The following MSANTD7 variants were observed in gnomAD, a reference collection of about 807,000 sequenced individuals.
MSANTD7 encodes Myb/SANT DNA binding domain containing 7.
the MSANTD7 span, among the ~76,000 whole-genome samples, chr10:14,839,155 C>T: frequency 1.3e-5 from 2 of 152,216 alleles, no homozygotes; most frequent in Non-Finnish European, 1.5e-5. Flanking sequence ...TGTGGCCTTT[C>T]TCTCATCAGT....
At chr10:14,839,680 T>G in the MSANTD7 span, among the ~76,000 whole-genome samples, 1 of 152,224 alleles carries the variant, frequency 6.6e-6, no homozygotes, top group Non-Finnish European at 1.5e-5. Flanking sequence ...TACTTTTGAT[T>G]CAATTGTTGA....
the MSANTD7 span, chr10:14,845,270 A>G: frequency 1.8e-5 from 18 of 985,224 alleles, no homozygotes; most frequent in Middle Eastern, 5.2e-4. Context: ...AGGAATCTTT[A>G]GGATTTAAAA....
the MSANTD7 span, chr10:14,843,224 A>T: frequency 9.9e-7 from 1 of 1,009,490 alleles, no homozygotes; most frequent in Non-Finnish European, 1.4e-6. Context: ...TGTCCAGATT[A>T]AGGAAATGGA....
the MSANTD7 span, among the ~76,000 whole-genome samples, chr10:14,840,313 T>C: frequency 1.3e-5 from 2 of 152,202 alleles, no homozygotes; most frequent in African/African-American, 4.8e-5. Context: ...GGCAGTGTCT[T>C]TTGATTCTTA....
the MSANTD7 span, chr10:14,839,794 A>G: frequency 1.6e-6 from 1 of 627,742 alleles, no homozygotes; most frequent in Non-Finnish European, 2.7e-6. Flanking sequence ...AGTTTAAAAT[A>G]TTGAGATAGC....
chr10:14,844,842 C>T, the MSANTD7 span: 3 of 985,362 alleles, frequency 3.0e-6, no homozygotes, highest in Non-Finnish European at 3.6e-6. Flanking sequence ...TATCAGTTTC[C>T]CATCCGCTTT....
chr10:14,843,721 C>CTGAT, the MSANTD7 span: 1 of 1,538,050 alleles, frequency 6.5e-7, no homozygotes, highest in East Asian at 2.4e-5. Flanking sequence ...ACTGGACAGG[C>CTGAT]TGATTGCTAT....
At chr10:14,838,519 G>T in the MSANTD7 span, 2 of 1,490,526 alleles carry the variant, frequency 1.3e-6, no homozygotes, top group African/African-American at 1.4e-5. Context: ...TCTGGCGCTG[G>T]GTCATCCACA....
the MSANTD7 span, chr10:14,843,572 G>A: frequency 2.6e-6 from 4 of 1,550,656 alleles, no homozygotes; most frequent in South Asian, 4.8e-5. Flanking sequence ...TTTGTTTCTG[G>A]TGGGGATAGG....
At chr10:14,839,615 G>T in the MSANTD7 span, among the ~76,000 whole-genome samples, 1 of 151,900 alleles carries the variant, frequency 6.6e-6, no homozygotes, top group Non-Finnish European at 1.5e-5. Flanking sequence ...AAGGAAGAGA[G>T]GTAGGAAAGG....
chr10:14,843,251 G>C, the MSANTD7 span: 4 of 1,236,438 alleles, frequency 3.2e-6, no homozygotes, highest in Admixed American at 4.2e-5. Context: ...CCAGTCCCTG[G>C]TGGAAAGAGG....
the MSANTD7 span, among the ~76,000 whole-genome samples, chr10:14,841,461 AAC>A: frequency 6.6e-6 from 1 of 152,182 alleles, no homozygotes; most frequent in Admixed American, 6.5e-5. Flanking sequence ...AGAGACATCA[AAC>A]ACATTGCTGG....
chr10:14,842,930 C>G, the MSANTD7 span: 1 of 996,846 alleles, frequency 1.0e-6, no homozygotes, highest in Non-Finnish European at 1.4e-6. This position sits in a 1 kb window ranked among gnomAD's most constrained non-coding sequence, Gnocchi z 5.2. Context: ...ATAGTGTCCT[C>G]TTCAGCATAG....
chr10:14,842,248 T>C, the MSANTD7 span: 1 of 1,535,468 alleles, frequency 6.5e-7, no homozygotes. The surrounding 1 kb of genome is among the most constrained non-coding windows in gnomAD (Gnocchi z 5.2). Flanking sequence ...TGCACCTTGC[T>C]GTCCAGAAGC....
At chr10:14,840,201 G>A in the MSANTD7 span, 1 of 965,900 alleles carries the variant, frequency 1.0e-6, no homozygotes, top group East Asian at 2.8e-5. Context: ...ATAGGAACAT[G>A]TTCATAAATT....
At chr10:14,839,992 G>C in the MSANTD7 span, 2 of 1,600,364 alleles carry the variant, frequency 1.2e-6, no homozygotes, top group Non-Finnish European at 1.7e-6. Flanking sequence ...AGAGGTACTA[G>C]TCCCCCCATT....
chr10:14,844,663 G>C, the MSANTD7 span: 1 of 980,986 alleles, frequency 1.0e-6, no homozygotes. Context: ...CCGCCATTGT[G>C]TGTTACGGTT....
At chr10:14,842,322 C>A in the MSANTD7 span, 1 of 1,536,054 alleles carries the variant, frequency 6.5e-7, no homozygotes, top group Non-Finnish European at 8.7e-7. The surrounding 1 kb of genome is among the most constrained non-coding windows in gnomAD (Gnocchi z 5.2). Flanking sequence ...ATCCGGTGGT[C>A]CAGACAGGAG....
chr10:14,839,136 G>A, the MSANTD7 span, among the ~76,000 whole-genome samples: 3 of 152,216 alleles, frequency 2.0e-5, no homozygotes, highest in Admixed American at 6.5e-5. Context: ...GTGAGAGCCT[G>A]ACAGGACTTG....
Sources: allele counts gnomAD v4.1 joint callset (sites outside exome capture counted in the v4.1 genomes callset), GRCh38; gene constraint gnomAD v4.1.1; non-coding constraint Gnocchi (gnomAD v3.1); transcripts MANE v1.5; gene names NCBI Gene and HGNC (gene_info 2026-07-23, HGNC 2026-07-21).